Variants in CNTN6 observed in about 807,000 individuals in gnomAD.
CNTN6 encodes contactin-6.
A neutral mutation model predicts 122.8 loss-of-function variants in CNTN6; 137 were observed. The observed-to-expected ratio is 1.12, with a 90% CI of 0.97 to 1.29. The LOEUF (loss-of-function observed/expected upper bound fraction) is 1.29. CNTN6 is among the 50% of genes most tolerant of loss of function. The pLI is 0.00. For missense variants in CNTN6, 1,634 were observed against 1,223.4 expected (o/e 1.34, Z -5.01); for synonymous variants, 570 against 426.0 (o/e 1.34, Z -4.16).
chr3:1,356,579 C>G (rs1230491575), intron 12 of CNTN6, among the ~76,000 whole-genome samples: 3 of 151,524 alleles, frequency 2.0e-5, no homozygotes, highest in Non-Finnish European at 4.4e-5. Flanking sequence ...ATTGACAAGC[C>G]CAGTTTGATT....
rs148226605 is a variant in CNTN6, at chr3:1,372,757, G to A, written c.1669-81G>A. 1,026 of 852,742 alleles carry A rather than the reference G, an allele frequency of 1.2e-3. 9 individuals carry two copies. The African/African-American group carries it at 0.015, about 13-fold the overall frequency. 52.8% of individuals were successfully genotyped at this position (852,742 alleles called of 1,614,324 possible). ...TAATTTCAGAGTTGTTTTATGTTTC[G>A]TATTTATCCAGCTGTAACAATAAAG... On this transcript the variant is annotated intron_variant, in intron 13 of 22. Transcript: ENST00000446702.
rs750158757 is a variant in CNTN6, at chr3:1,227,799, A to AT, written c.183-9dup. 8.1e-4 allele frequency: 1,203 copies of AT among 1,482,282 alleles called. No homozygotes were observed. The highest frequency in any genetic ancestry group is 1.1e-3 in the Admixed American group (62 of 55,150). 91.8% of individuals were successfully genotyped at this position (1,482,282 alleles called of 1,614,324 possible). A position where few individuals can be genotyped will look rare whatever the true frequency, so the allele number is the denominator to read the frequency against. On this transcript the variant is annotated intron_variant, in intron 3 of 22. Transcript: ENST00000446702. The stretch of plus-strand genomic sequence containing the variant: ...TGACTCTGTATATTATAAGCACTTT[A>AT]TTTTTTTTTTCCTTGAAGGTGGAAG...
chr3:1,209,259 T>C (rs999964320), intron 2 of CNTN6, among the ~76,000 whole-genome samples: 1 of 152,210 alleles, frequency 6.6e-6, no homozygotes, highest in Non-Finnish European at 1.5e-5. Flanking sequence ...GTGTATACCA[T>C]TAGTTCATTC....
In CNTN6 at chr3:1,299,968, T is replaced by C; in HGVS notation, c.761+1977T>C. The stretch of plus-strand genomic sequence containing the variant: ...TCACTGAATTATTCTAAAACCAAAA[T>C]CCAAATTTCATTCTACTTTTTTTTT... On this transcript the variant is annotated intron_variant, in intron 7 of 22. Coordinates refer to ENST00000446702, the MANE Select transcript of CNTN6 (RefSeq NM_001289080.2). 1.3e-5 allele frequency among the ~76,000 whole-genome samples: 2 copies of C among 151,966 alleles called. 1 individual carries two copies. Among genetic ancestry groups the C allele is most frequent in the South Asian group, 4.2e-4 (2 of 4,818 alleles).
intron 11 of CNTN6, among the ~76,000 whole-genome samples, chr3:1,345,239 C>T (rs921714627): frequency 2.0e-5 from 3 of 152,080 alleles, no homozygotes; most frequent in Admixed American, 2.0e-4. Flanking sequence ...GCCTCAGCCT[C>T]CTGAGTAGCT....
chr3:1,166,040 GA>G (rs2125269269), intron 2 of CNTN6, among the ~76,000 whole-genome samples: 1 of 152,248 alleles, frequency 6.6e-6, no homozygotes, highest in South Asian at 2.1e-4. Flanking sequence ...GATGCATGAG[GA>G]AAGAGAAGTA....
rs1381703666 is a variant in CNTN6, at chr3:1,328,101, G to A, written c.1213+515G>A. ...AATCAAGTCTATGCTCAAGGCAGAA[G>A]AGCGAGGTTACAGAAATAATCACAT... On this transcript the variant is annotated intron_variant, in intron 10 of 22. Coordinates refer to ENST00000446702, the MANE Select transcript of CNTN6 (RefSeq NM_001289080.2). Among the ~76,000 whole-genome samples, 3 of 151,774 alleles carry A rather than the reference G, an allele frequency of 2.0e-5. No individual in the cohort carries two copies. The Admixed American group carries it at 2.0e-4, about 10-fold the overall frequency.
intron 12 of CNTN6, among the ~76,000 whole-genome samples, chr3:1,364,905 CAG>C (rs1268818024): frequency 4.6e-5 from 7 of 151,630 alleles, no homozygotes; most frequent in African/African-American, 7.2e-5. Context: ...AGCTCACTGA[CAG>C]AGATTGAAAA....
chr3:1,263,746 C>T (rs572898936), intron 4 of CNTN6, among the ~76,000 whole-genome samples: 3 of 152,008 alleles, frequency 2.0e-5, no homozygotes, highest in African/African-American at 7.2e-5. Flanking sequence ...AAAACAAGGT[C>T]CCTGTTTTCG....
At chr3:1,374,148 A>G in intron 16 of CNTN6, 75 bp downstream of exon 16, 1 of 1,447,178 alleles carries the variant, frequency 6.9e-7, no homozygotes, top group Non-Finnish European at 9.3e-7. Flanking sequence ...AAGTATTTTT[A>G]TGTGTCTTCT....
chr3:1,163,335 T>C (rs769270543), intron 2 of CNTN6, among the ~76,000 whole-genome samples: 2 of 152,194 alleles, frequency 1.3e-5, no homozygotes, highest in Non-Finnish European at 2.9e-5. Context: ...TAGTCACAAA[T>C]GGATAATGCT....
Position 1,225,703 on chromosome 3 carries a change from T to A in CNTN6, c.183-2115T>A, listed in dbSNP as rs1192822860. Among the ~76,000 whole-genome samples, 736 of 151,056 alleles carry A rather than the reference T, an allele frequency of 4.9e-3. 6 individuals carry two copies. The highest frequency in any genetic ancestry group is 0.017 in the African/African-American group (708 of 41,028). ...GTTTTGAAGGGTTTTATTATTGTTT[T>A]TTTTTTTTTTCACTTTTTTCTTACC... On this transcript the variant is annotated intron_variant, in intron 3 of 22. Coordinates refer to ENST00000446702, the MANE Select transcript of CNTN6 (RefSeq NM_001289080.2).
chr3:1,385,657 T>C lies in CNTN6; in HGVS notation c.2564T>C (p.Ile855Thr), dbSNP rs1194014242. ...TCCAAAGAATCCATGATAGGTAAAATTAGAGTCAGTGGAAATGTCACAACC... is the reference window on the plus strand; with the variant it reads ...TCCAAAGAATCCATGATAGGTAAAACTAGAGTCAGTGGAAATGTCACAACC... ...DDSKESMIGK[I>T]RVSGNVTTKN... Residue 855 changes from isoleucine to threonine, a missense_variant, in exon 20 of 23, where the codon ATT (isoleucine) becomes ACT (threonine). Physicochemically the swap from Ile to Thr is moderately conservative, Grantham distance 89. Transcript: ENST00000446702. The C allele has an allele frequency of 1.2e-6, 2 of 1,613,992 alleles. No homozygotes were observed. The highest frequency in any genetic ancestry group is 1.7e-6 in the Non-Finnish European group (2 of 1,179,908).
intron 17 of CNTN6, among the ~76,000 whole-genome samples, chr3:1,380,159 GTTGGAC>G (rs1257084375): frequency 6.6e-6 from 1 of 152,162 alleles, no homozygotes; most frequent in Non-Finnish European, 1.5e-5. Flanking sequence ...AATAGTACCT[GTTGGAC>G]TTTGAAAGGC....
intron 16 of CNTN6, among the ~76,000 whole-genome samples, chr3:1,375,566 A>G (rs1406464310): frequency 2.0e-5 from 3 of 152,138 alleles, no homozygotes; most frequent in Non-Finnish European, 4.4e-5. Context: ...AATTCAAAAT[A>G]CTTTTCCTTA....
Position 1,391,210 on chromosome 3 carries a change from T to A in CNTN6, c.2704+5413T>A, listed in dbSNP as rs1304910611. On this transcript the variant is annotated intron_variant, in intron 20 of 22. Coordinates refer to ENST00000446702, the MANE Select transcript of CNTN6 (RefSeq NM_001289080.2). ...ACATCAAAAAGCTTATCCACCATGA[T>A]CAAGTGGGCTTCATCCCTGGGATGC... 1.2e-3 allele frequency among the ~76,000 whole-genome samples: 118 copies of A among 98,374 alleles called. 2 individuals are homozygous for A. The highest frequency in any genetic ancestry group is 1.9e-3 in the African/African-American group (44 of 23,428). 64.5% of individuals were successfully genotyped at this position (98,374 alleles called of 152,430 possible). A position where few individuals can be genotyped will look rare whatever the true frequency, so the allele number is the denominator to read the frequency against.
chr3:1,143,121 G>A (rs928545472), intron 1 of CNTN6, among the ~76,000 whole-genome samples: 2 of 151,662 alleles, frequency 1.3e-5, no homozygotes, highest in African/African-American at 2.4e-5. Context: ...ACATTGCTTG[G>A]TGTGTATTGC....
intron 12 of CNTN6, among the ~76,000 whole-genome samples, chr3:1,372,034 G>A (rs2126138038): frequency 6.6e-6 from 1 of 152,224 alleles, no homozygotes; most frequent in East Asian, 1.9e-4. Flanking sequence ...TATATGGAAT[G>A]CCATTTTTTG....
At chr3:1,203,215 T>C (rs978339522) in intron 2 of CNTN6, among the ~76,000 whole-genome samples, 2 of 152,134 alleles carry the variant, frequency 1.3e-5, no homozygotes, top group Non-Finnish European at 2.9e-5. Context: ...GTCTCACAGT[T>C]ACAGACACAG....
Sources: gnomAD v4.1 joint callset for allele counts (sites outside exome capture counted in the v4.1 genomes callset) on GRCh38, gnomAD v4.1.1 for gene constraint, MANE v1.5 for transcripts, NCBI Gene and HGNC (gene_info 2026-07-23, HGNC 2026-07-21) for gene names.